Variants in FANCC observed in about 807,000 individuals in gnomAD.
The protein encoded by FANCC is FA complementation group C.
In FANCC, 55 loss-of-function variants were observed where a neutral mutation model predicts 71.3. That is an observed-to-expected ratio of 0.77 (90% CI 0.62 to 0.97). The LOEUF (loss-of-function observed/expected upper bound fraction) is 0.97. Among genes scored for constraint, FANCC ranks in the 50% least tolerant of loss-of-function variants. The pLI, the probability that FANCC is intolerant of heterozygous loss-of-function variation, is 0.00. For synonymous variants in FANCC, 275 were observed against 244.9 expected (o/e 1.12, Z -1.15); for missense variants, 678 against 670.9 (o/e 1.01, Z -0.12).
At chr9:95,212,867 T>C (rs1481348689) in intron 4 of FANCC, among the ~76,000 whole-genome samples, 1 of 152,160 alleles carries the variant, frequency 6.6e-6, no homozygotes, top group Non-Finnish European at 1.5e-5. Context: ...TACACATATG[T>C]TATGCACTCT....
At chr9:95,294,098 C>T (rs1389787092) in intron 1 of FANCC, 23 of 1,610,500 alleles carry the variant, frequency 1.4e-5, no homozygotes, top group Non-Finnish European at 1.9e-5. Flanking sequence ...CAGACCCAAA[C>T]CATAGATTTA....
intron 4 of FANCC, among the ~76,000 whole-genome samples, chr9:95,178,642 G>A (rs4647490): frequency 4.6e-5 from 7 of 152,372 alleles, no homozygotes; most frequent in African/African-American, 1.2e-4. Context: ...GTGTCTGTGC[G>A]TCTGTGTTTC....
At chr9:95,198,744 G>C (rs963822616) in intron 4 of FANCC, among the ~76,000 whole-genome samples, 10 of 152,064 alleles carry the variant, frequency 6.6e-5, no homozygotes, top group African/African-American at 2.2e-4. Context: ...TTGTGTGTGT[G>C]GGGGAGGGGA....
chr9:95,264,955 T>G (rs1285101563), intron 1 of FANCC, among the ~76,000 whole-genome samples: 1 of 151,890 alleles, frequency 6.6e-6, no homozygotes, highest in Non-Finnish European at 1.5e-5. Flanking sequence ...AGGGTAAGAC[T>G]GGTCAATTTA....
chr9:95,228,785 GGCAGAT>G (rs1434691996), intron 4 of FANCC, among the ~76,000 whole-genome samples: 1 of 151,988 alleles, frequency 6.6e-6, no homozygotes, highest in Non-Finnish European at 1.5e-5. Flanking sequence ...GAGCAGTGAA[GGCAGAT>G]GCTTAAACCC....
chr9:95,160,296 A>C (rs1233257651), intron 6 of FANCC, among the ~76,000 whole-genome samples: 1 of 152,120 alleles, frequency 6.6e-6, no homozygotes, highest in Non-Finnish European at 1.5e-5. Context: ...TCCTTTCCCC[A>C]TTTCTTGCTT....
chr9:95,148,744 A>C (rs1356155698), intron 7 of FANCC, among the ~76,000 whole-genome samples: 1 of 152,278 alleles, frequency 6.6e-6, no homozygotes, highest in African/African-American at 2.4e-5. Flanking sequence ...AGATCCATTG[A>C]AAGTGCAAGA....
At chr9:95,102,007 G>T (rs576743076) in intron 14 of FANCC, among the ~76,000 whole-genome samples, 157 bp from the exon 15 acceptor site, 1 of 152,342 alleles carries the variant, frequency 6.6e-6, no homozygotes, top group East Asian at 1.9e-4. Flanking sequence ...TAGTTTGCAA[G>T]GTGATTAGCA....
chr9:95,294,447 A>C, intron 1 of FANCC: 1 of 1,604,528 alleles, frequency 6.2e-7, no homozygotes, highest in Non-Finnish European at 8.5e-7. Flanking sequence ...TTGACAGACA[A>C]ACACAGACAG....
chr9:95,138,089 G>A (rs929087982), intron 7 of FANCC, among the ~76,000 whole-genome samples: 4 of 152,268 alleles, frequency 2.6e-5, no homozygotes, highest in African/African-American at 9.6e-5. Context: ...TGTTTCGCTT[G>A]CACTTGAATC....
chr9:95,314,321 C>T (rs1835601371), intron 1 of FANCC, among the ~76,000 whole-genome samples: 1 of 152,178 alleles, frequency 6.6e-6, no homozygotes, highest in Non-Finnish European at 1.5e-5. Flanking sequence ...GCTGCTCTAC[C>T]TGTGGAGTAG....
At chr9:95,138,597 A>G (rs555499550) in intron 7 of FANCC, among the ~76,000 whole-genome samples, 1 of 152,278 alleles carries the variant, frequency 6.6e-6, no homozygotes, top group African/African-American at 2.4e-5. Flanking sequence ...TTCAGGATCC[A>G]TGTAACACGA....
chr9:95,159,694 G>A (rs1054024068), intron 6 of FANCC, among the ~76,000 whole-genome samples: 6 of 152,142 alleles, frequency 3.9e-5, no homozygotes, highest in African/African-American at 1.4e-4. Context: ...TCCAGCACCT[G>A]TTGTTTCCTG....
chr9:95,117,364 A>G lies in FANCC; in HGVS notation c.1023T>C (p.Phe341=), dbSNP rs758439579. The G allele has an allele frequency of 2.5e-6, 4 of 1,614,118 alleles. No homozygotes were observed. The Admixed American group carries it at 5.0e-5, about 20-fold the overall frequency. Residue 341 remains phenylalanine, a synonymous_variant, in exon 11 of 15, where the codon TTT becomes TTC. Coordinates refer to ENST00000289081, the MANE Select transcript of FANCC (RefSeq NM_000136.3). ...TGGCAAGAGATGGAGAAGTGTAAGG[A>G]AAGTAGGTCTTGAGTGCAAACCGCA... The part of the protein sequence containing the change: ...KQLRFALKTY[F]PYTSPSLAMV...
intron 4 of FANCC, among the ~76,000 whole-genome samples, chr9:95,224,440 T>C (rs1234521040): frequency 6.6e-6 from 1 of 152,022 alleles, no homozygotes; most frequent in Non-Finnish European, 1.5e-5. Context: ...GTTAACAAGA[T>C]AATGCATGCA....
chr9:95,245,779 C>T lies in FANCC; in HGVS notation c.250+1653G>A, dbSNP rs1043745558. The stretch of plus-strand genomic sequence containing the variant: ...GGGTGTGGTGGCAGGCACCTGTAAT[C>T]CCAGCTACCTGGGAGGCTGAGGCAG... On this transcript the variant is annotated intron_variant, in intron 3 of 14. Coordinates refer to ENST00000289081, the MANE Select transcript of FANCC (RefSeq NM_000136.3). 2.0e-5 allele frequency among the ~76,000 whole-genome samples: 3 copies of T among 151,686 alleles called. No individual in the cohort carries two copies. The East Asian group carries it at 6.0e-4, about 30-fold the overall frequency.
chr9:95,237,580 G>GT (rs1830399266), intron 4 of FANCC, among the ~76,000 whole-genome samples: 1 of 152,254 alleles, frequency 6.6e-6, no homozygotes, highest in South Asian at 2.1e-4. Context: ...CTGCCGTGCA[G>GT]TAAGCACCAG....
intron 4 of FANCC, among the ~76,000 whole-genome samples, chr9:95,219,183 G>T (rs1442157073): frequency 6.6e-6 from 1 of 152,198 alleles, no homozygotes; most frequent in African/African-American, 2.4e-5. Context: ...CATGAAAACT[G>T]CAGGAAACTG....
chr9:95,175,523 C>A (rs903674343), intron 4 of FANCC, among the ~76,000 whole-genome samples: 7 of 152,298 alleles, frequency 4.6e-5, no homozygotes, highest in African/African-American at 1.7e-4. Flanking sequence ...CTGACCATAG[C>A]CCCAAGAGAG....
Sources: allele counts gnomAD v4.1 joint callset (sites outside exome capture counted in the v4.1 genomes callset), GRCh38; gene constraint gnomAD v4.1.1; transcripts MANE v1.5; gene names NCBI Gene and HGNC (gene_info 2026-07-23, HGNC 2026-07-21).